The following USP44 variants were observed in gnomAD, a reference collection of about 807,000 sequenced individuals.
USP44 encodes the protein ubiquitin specific peptidase 44, also known as ubiquitin carboxyl-terminal hydrolase 44.
USP44 carries 61 observed loss-of-function variants against 69.0 expected under a neutral mutation model. The observed-to-expected ratio is 0.88, with a 90% CI of 0.72 to 1.09. USP44 has a LOEUF of 1.09. Among genes scored for constraint, USP44 ranks in the 50% least tolerant of loss-of-function variants. The pLI, the probability that USP44 is intolerant of heterozygous loss-of-function variation, is 0.00. For missense variants in USP44, 753 were observed against 849.9 expected, an observed-to-expected ratio of 0.89 and a Z score of 1.42; for synonymous variants, 297 against 295.4, an observed-to-expected ratio of 1.01 and a Z score of -0.06.
chr12:95,541,340 T>G (rs954023345), intron 1 of USP44, among the ~76,000 whole-genome samples: 5 of 151,990 alleles, frequency 3.3e-5, no homozygotes, highest in Non-Finnish European at 5.9e-5. Flanking sequence ...TACAAAGTCC[T>G]AGCAATTTGG....
At chr12:95,541,064 G>A (rs1016852071) in intron 1 of USP44, among the ~76,000 whole-genome samples, 1 of 152,140 alleles carries the variant, frequency 6.6e-6, no homozygotes, top group Admixed American at 6.6e-5. Context: ...CGGATCACGA[G>A]GTCAGGAGTT....
intron 2 of USP44, among the ~76,000 whole-genome samples, chr12:95,529,933 T>C (rs998852153): frequency 2.6e-5 from 4 of 152,066 alleles, no homozygotes; most frequent in Non-Finnish European, 5.9e-5. Context: ...AAAATCCCCA[T>C]CCAAACACAG....
At chr12:95,537,738 T>C (rs543211400) in intron 1 of USP44, among the ~76,000 whole-genome samples, 3 of 152,316 alleles carry the variant, frequency 2.0e-5, no homozygotes, top group East Asian at 3.9e-4. Flanking sequence ...AAAGGATCAG[T>C]AGGAAAAAGC....
chr12:95,525,884 C>A (rs753611847), intron 3 of USP44, among the ~76,000 whole-genome samples: 3 of 152,190 alleles, frequency 2.0e-5, no homozygotes, highest in Non-Finnish European at 4.4e-5. Flanking sequence ...ATGTGGGAAG[C>A]AGGCTCAGTC....
At chr12:95,527,835 GCT>G (rs1565812326) in intron 3 of USP44, among the ~76,000 whole-genome samples, 2 of 70,888 alleles carry the variant, frequency 2.8e-5, no homozygotes, top group African/African-American at 1.1e-4. Flanking sequence ...GGAGGAAGAT[GCT>G]TTTTTTTTTT....
chr12:95,534,155 C>A lies in USP44; in HGVS notation c.102G>T (p.Thr34=). 3.1e-6 allele frequency: 5 copies of A among 1,614,100 alleles called. No homozygotes were observed. Among genetic ancestry groups the A allele is most frequent in the Non-Finnish European group, 4.2e-6 (5 of 1,180,006 alleles). Reference sequence around the variant, plus strand: ...TAAGGCAAGCCCAAATGGACTCGGTCGTGTTGCAGTCCACACAGTGCCATT... The same window carrying A: ...TAAGGCAAGCCCAAATGGACTCGGTAGTGTTGCAGTCCACACAGTGCCATT... ...PQKWHCVDCN[T]TESIWACLSC... Residue 34 remains threonine (T), a synonymous_variant, in exon 2 of 6, where the codon ACG becomes ACT. Coordinates refer to ENST00000258499, the MANE Select transcript of USP44 (RefSeq NM_032147.5).
chr12:95,547,041 T>C (rs1328356382), intron 1 of USP44: 1 of 152,204 alleles, frequency 6.6e-6, no homozygotes, highest in Admixed American at 6.5e-5. Context: ...TTCAAATATC[T>C]AACCCAAATC....
chr12:95,538,410 T>G (rs1205667913), intron 1 of USP44, among the ~76,000 whole-genome samples: 1 of 152,058 alleles, frequency 6.6e-6, no homozygotes, highest in Non-Finnish European at 1.5e-5. Flanking sequence ...TTCCTTCTAG[T>G]TGATCACTTT....
Position 95,534,049 on chromosome 12 carries a change from A to G in USP44, c.208T>C (p.Leu70=), listed in dbSNP as rs1269556519. The G allele has an allele frequency of 1.2e-6, 2 of 1,614,160 alleles. No homozygotes were observed. The highest frequency in any genetic ancestry group is 1.7e-6 in the Non-Finnish European group (2 of 1,180,020). Residue 70 remains leucine (L), a synonymous_variant, in exon 2 of 6, where the codon TTG becomes CTG. Coordinates refer to ENST00000258499, the MANE Select transcript of USP44 (RefSeq NM_032147.5). ...HFQESSHPVA[L]EVNEMYVFCY... ...AAAACGTACATCTCATTCACCTCCA[A>G]TGCAACAGGATGACTGCTTTCTTGA...
rs370126718 is a variant in USP44, at chr12:95,519,401, G to C, written c.1940-1048C>G. 7.6e-4 allele frequency among the ~76,000 whole-genome samples: 113 copies of C among 148,480 alleles called. 1 individual carries two copies. Among genetic ancestry groups the C allele is most frequent in the East Asian group, 7.4e-3 (37 of 5,002 alleles). On this transcript the variant is annotated intron_variant, in intron 5 of 5. Transcript: ENST00000258499. ...CAAAATTCAAAACACTTATGGTCCC[G>C]AGCATTTCAGACAAGGTATACTCAA...
At chr12:95,545,811 G>A (rs749525569) in intron 1 of USP44, among the ~76,000 whole-genome samples, 1 of 152,080 alleles carries the variant, frequency 6.6e-6, no homozygotes, top group Non-Finnish European at 1.5e-5. Flanking sequence ...TATGTGCTTT[G>A]GCACCTCTCC....
chr12:95,531,820 T>C (rs1195686408), intron 2 of USP44, among the ~76,000 whole-genome samples: 3 of 152,166 alleles, frequency 2.0e-5, no homozygotes. Flanking sequence ...TAGCCTCAGT[T>C]ATAAAAAAAA....
intron 1 of USP44, among the ~76,000 whole-genome samples, chr12:95,544,806 T>TC (rs568502669): frequency 2.0e-5 from 3 of 151,936 alleles, no homozygotes; most frequent in Non-Finnish European, 2.9e-5. Context: ...TTAAGAAGCT[T>TC]CCCCCCGCCA....
chr12:95,547,498 T>A (rs2077610579), intron 1 of USP44, among the ~76,000 whole-genome samples: 1 of 152,258 alleles, frequency 6.6e-6, no homozygotes, highest in African/African-American at 2.4e-5. Flanking sequence ...AACTGAATAT[T>A]GAATCTCATT....
intron 3 of USP44, among the ~76,000 whole-genome samples, chr12:95,525,555 G>C (rs2076809171): frequency 1.3e-5 from 2 of 152,206 alleles, no homozygotes; most frequent in African/African-American, 4.8e-5. Context: ...CAGAAACCCA[G>C]AGGAAGGTCC....
At chr12:95,546,988 A>G (rs548083236) in intron 1 of USP44, 1 of 152,332 alleles carries the variant, frequency 6.6e-6, no homozygotes, top group East Asian at 1.9e-4. Flanking sequence ...AGAAAAGATA[A>G]ATCTGTAGAA....
In USP44 at chr12:95,518,102, TTTTAAAA is replaced by T. The variant is rs2076531625; in HGVS notation, c.*45_*51del. The T allele has an allele frequency of 3.8e-6, 6 of 1,580,682 alleles. No homozygotes were observed. The highest frequency in any genetic ancestry group is 1.7e-4 in the Middle Eastern group (1 of 5,914). On this transcript the variant is annotated 3_prime_UTR_variant, in exon 6 of 6. Coordinates refer to ENST00000258499, the MANE Select transcript of USP44 (RefSeq NM_032147.5). ...TGAAGTTTAAAATGGTACATCAGTC[TTTTAAAA>T]AGTATATATATAAATCACAGGAAGA...
rs1346227904 is a variant in USP44 at position 95,529,019 on chromosome 12, G to A, written c.1429-17C>T. The A allele has an allele frequency of 6.3e-7, 1 of 1,582,616 alleles. No individual in the cohort carries two copies. Among genetic ancestry groups the A allele is most frequent in the East Asian group, 2.3e-5 (1 of 44,354 alleles). On this transcript the variant is annotated splice_polypyrimidine_tract_variant and intron_variant, in intron 2 of 5. Transcript: ENST00000258499. ...ACATGTAACCTGCAAATGAGAATAT[G>A]AGTTCCTAAGATTATAATCTTTCCA...
chr12:95,528,774 G>A, intron 3 of USP44, 33 bp downstream of exon 3: 1 of 1,579,074 alleles, frequency 6.3e-7, no homozygotes, highest in South Asian at 1.2e-5. Flanking sequence ...ATCATTCCTA[G>A]GAAAGCACCA....
Sources: allele counts gnomAD v4.1 joint callset (sites outside exome capture counted in the v4.1 genomes callset), GRCh38; gene constraint gnomAD v4.1.1; transcripts MANE v1.5; gene names NCBI Gene and HGNC (gene_info 2026-07-23, HGNC 2026-07-21).